WDHD1: variants seen among roughly 807,000 people sequenced by gnomAD.
WDHD1 encodes WD repeat and HMG-box DNA-binding protein 1.
Under a neutral mutation model 135.4 loss-of-function variants are expected in WDHD1, and 111 were observed. The observed-to-expected ratio is 0.82, with a 90% confidence interval of 0.70 to 0.96. The LOEUF is 0.96. Ranked by LOEUF, WDHD1 falls within the 40% of genes least tolerant of loss-of-function variation. The pLI is 0.00. For missense variants in WDHD1, 1,351 were observed against 1,336.3 expected, an observed-to-expected ratio of 1.01 and a Z score of -0.17; for synonymous variants, 434 against 439.0, an observed-to-expected ratio of 0.99 and a Z score of 0.14.
chr14:55,002,872 G>A (rs757469617), intron 7 of WDHD1, among the ~76,000 whole-genome samples: 5 of 152,142 alleles, frequency 3.3e-5, no homozygotes, highest in East Asian at 1.9e-4. Flanking sequence ...AGATTACAGC[G>A]TGAGACACCA....
At chr14:54,997,089 C>A (rs1413444528) in intron 10 of WDHD1, among the ~76,000 whole-genome samples, 1 of 41,204 alleles carries the variant, frequency 2.4e-5, no homozygotes, top group African/African-American at 8.1e-5. Context: ...AGCGCCCAGC[C>A]TTTTTTTTTT....
At position 54,939,834 on chromosome 14, in the gene WDHD1, TCG is replaced by T. The variant is rs2040813970; in HGVS notation, c.*1654_*1655del. On this transcript the variant is annotated 3_prime_UTR_variant, in exon 26 of 26. Transcript: ENST00000360586. ...AAGCATTAGGTTGGCACAAAAGAAA[TCG>T]CGGTTTTTGCCACTGAAATGGCGAA... The T allele has an allele frequency of 6.6e-6, 1 of 152,220 alleles. No homozygotes were observed. Among genetic ancestry groups the T allele is most frequent in the Non-Finnish European group, 1.5e-5 (1 of 68,028 alleles). The allele number at this position is 152,220 out of a possible 1,614,324, so 9.4% of individuals were successfully genotyped here. A position where few individuals can be genotyped will look rare whatever the true frequency, so the allele number is the denominator to read the frequency against.
intron 10 of WDHD1, 91 bp downstream of exon 10, chr14:55,000,412 T>C: frequency 7.6e-7 from 1 of 1,317,066 alleles, no homozygotes. Context: ...AAGGTAATTT[T>C]CCAAGAAAGT....
Position 54,989,083 on chromosome 14 carries a change from C to A in WDHD1, c.1471G>T (p.Asp491Tyr). ...AACAAAATAGCTTCGTGGGAAAGAT[C>A]TGCTATTGTATAATTCAAAGTGTTT... is the stretch of plus-strand genomic sequence containing the variant. ...LSNTLNYTIA[D>Y]LSHEAILLAC... is the part of the protein sequence containing the mutation. The change falls in exon 13 of 26, where the codon GAT becomes TAT. Residue 491 changes from aspartate (D) to tyrosine (Y), a missense_variant. Physicochemically the swap from Asp to Tyr is radical, Grantham distance 160. Coordinates refer to ENST00000360586, the MANE Select transcript of WDHD1 (RefSeq NM_007086.4). The A allele has an allele frequency of 6.2e-7, 1 of 1,613,458 alleles. No individual in the cohort carries two copies. The highest frequency in any genetic ancestry group is 8.5e-7 in the Non-Finnish European group (1 of 1,179,662).
At chr14:54,981,905 T>TA (rs2041624627) in intron 15 of WDHD1, among the ~76,000 whole-genome samples, 1 of 152,116 alleles carries the variant, frequency 6.6e-6, no homozygotes, top group Admixed American at 6.5e-5. Context: ...TTGGATTTGA[T>TA]ATGACTAAAA....
intron 8 of WDHD1, among the ~76,000 whole-genome samples, chr14:55,001,771 C>G (rs1035444713): frequency 1.3e-5 from 2 of 152,164 alleles, no homozygotes; most frequent in African/African-American, 4.8e-5. Context: ...AGACCAACAA[C>G]CTTTCTTCCT....
At position 54,981,521 on chromosome 14, in the gene WDHD1, A is replaced by C; in HGVS notation, c.2063+19T>G. On this transcript the variant is annotated intron_variant, in intron 16 of 25. Transcript: ENST00000360586. Reference sequence around the variant, plus strand: ...ACTTTTTAAAAAGAGTCAACTTTAGACTTCTTTTAATAGCCCACCTTAGTT... The same window carrying C: ...ACTTTTTAAAAAGAGTCAACTTTAGCCTTCTTTTAATAGCCCACCTTAGTT... 2 of 1,606,210 alleles carry C rather than the reference A, an allele frequency of 1.2e-6. No individual in the cohort carries two copies. Among genetic ancestry groups the C allele is most frequent in the Non-Finnish European group, 1.7e-6 (2 of 1,177,288 alleles).
At chr14:54,973,855 T>A (rs1319496007) in intron 16 of WDHD1, among the ~76,000 whole-genome samples, 1 of 152,140 alleles carries the variant, frequency 6.6e-6, no homozygotes, top group Non-Finnish European at 1.5e-5. Flanking sequence ...TGAGTAGGAT[T>A]TTATTAAGTT....
At chr14:55,015,537 T>C (rs1473737344) in intron 2 of WDHD1, among the ~76,000 whole-genome samples, 1 of 152,138 alleles carries the variant, frequency 6.6e-6, no homozygotes, top group African/African-American at 2.4e-5. Context: ...CCCCTTTTCC[T>C]ACCCTTTCCT....
intron 10 of WDHD1, 118 bp downstream of exon 10, chr14:55,000,385 C>G (rs955731580): frequency 5.7e-6 from 6 of 1,058,014 alleles, no homozygotes; most frequent in Non-Finnish European, 7.6e-6. Context: ...TACTCAGCAT[C>G]TACTATAGTA....
chr14:54,988,483 G>T (rs914197831), intron 13 of WDHD1, among the ~76,000 whole-genome samples: 2 of 151,946 alleles, frequency 1.3e-5, no homozygotes, highest in Non-Finnish European at 2.9e-5. Context: ...TTGTGGTAGG[G>T]GTTATCTGTG....
At chr14:54,943,252 A>C (rs532566985) in intron 25 of WDHD1, among the ~76,000 whole-genome samples, 10 of 152,328 alleles carry the variant, frequency 6.6e-5, no homozygotes, top group African/African-American at 2.2e-4. Context: ...TTCCATGTGA[A>C]AGGCTGGAAC....
intron 2 of WDHD1, among the ~76,000 whole-genome samples, chr14:55,014,861 G>A (rs1335333594): frequency 3.3e-5 from 5 of 151,926 alleles, no homozygotes; most frequent in Non-Finnish European, 1.5e-5. Flanking sequence ...AGAACAAGCA[G>A]GACTAGATAT....
At chr14:55,008,474 C>T in intron 5 of WDHD1, 108 bp from the exon 6 acceptor site, 1 of 1,448,150 alleles carries the variant, frequency 6.9e-7, no homozygotes, top group Non-Finnish European at 9.4e-7. Context: ...GGTGAAATTT[C>T]CTGCTAACTC....
intron 2 of WDHD1, among the ~76,000 whole-genome samples, chr14:55,013,916 A>G (rs577254406): frequency 3.9e-4 from 60 of 152,280 alleles, no homozygotes; most frequent in Non-Finnish European, 8.4e-4. Context: ...CAAGGAAAAA[A>G]AAAAGTCACC....
intron 2 of WDHD1, among the ~76,000 whole-genome samples, chr14:55,026,251 C>G (rs978755371): frequency 1.3e-5 from 2 of 151,726 alleles, no homozygotes; most frequent in African/African-American, 2.4e-5. Flanking sequence ...TAAAAGGGAC[C>G]AGAATAACCG....
chr14:54,997,866 G>A (rs534422213), intron 10 of WDHD1, among the ~76,000 whole-genome samples: 10 of 147,014 alleles, frequency 6.8e-5, no homozygotes, highest in East Asian at 4.1e-4. Context: ...AGCCGAGATC[G>A]CGCCATTGCA....
Position 54,940,170 on chromosome 14 carries a change from A to G in WDHD1, c.*1320T>C, listed in dbSNP as rs1434973442. The G allele has an allele frequency of 2.0e-5, 3 of 152,222 alleles. No individual in the cohort carries two copies. The highest frequency in any genetic ancestry group is 1.3e-4 in the Admixed American group (2 of 15,282). 9.4% of individuals were successfully genotyped at this position (152,222 alleles called of 1,614,324 possible). A position where few individuals can be genotyped will look rare whatever the true frequency, so the allele number is the denominator to read the frequency against. The stretch of plus-strand genomic sequence containing the variant: ...TCTCATAACAACCTATAAAGTAGGT[A>G]CTATCATTATATCCATTTTACAGAT... On this transcript the variant is annotated 3_prime_UTR_variant, in exon 26 of 26. Coordinates refer to ENST00000360586, the MANE Select transcript of WDHD1 (RefSeq NM_007086.4).
chr14:54,990,670 T>G (rs1175099038), intron 12 of WDHD1, among the ~76,000 whole-genome samples: 1 of 151,980 alleles, frequency 6.6e-6, no homozygotes, highest in Non-Finnish European at 1.5e-5. Flanking sequence ...GAAATATATA[T>G]TTAATGTGCA....
Sources: allele counts gnomAD v4.1 joint callset (sites outside exome capture counted in the v4.1 genomes callset), GRCh38; gene constraint gnomAD v4.1.1; transcripts MANE v1.5; gene names NCBI Gene and HGNC (gene_info 2026-07-23, HGNC 2026-07-21).